The following BRD1 variants were observed in gnomAD, a reference collection of about 807,000 sequenced individuals.
BRD1 encodes bromodomain containing 1.
A neutral mutation model predicts 107.7 loss-of-function variants in BRD1; 24 were observed. That is an observed-to-expected ratio of 0.22 (90% CI 0.16 to 0.31). The LOEUF is 0.31. Among genes scored for constraint, BRD1 ranks in the 10% least tolerant of loss-of-function variants. The pLI, the probability that BRD1 is intolerant of heterozygous loss-of-function variation, is 1.00. For synonymous variants in BRD1, 744 were observed against 686.1 expected, an observed-to-expected ratio of 1.08 and a Z score of -1.32; for missense variants, 1,279 against 1,638.6, an observed-to-expected ratio of 0.78 and a Z score of 3.79.
intron 6 of BRD1, 57 bp from the exon 7 acceptor site, chr22:49,794,351 C>T (rs897894231): frequency 3.9e-6 from 6 of 1,548,460 alleles, no homozygotes; most frequent in Non-Finnish European, 4.4e-6. Context: ...TCTGGGAACA[C>T]ATCACCGGTC....
rs1029108144 is a variant in BRD1 at position 49,793,841 on chromosome 22, G to A, written c.2359+193C>T. On this transcript the variant is annotated intron_variant, in intron 7 of 12. Coordinates refer to ENST00000404760, the MANE Select transcript of BRD1 (RefSeq NM_001304808.3). ...AAACACAGACAGCACAAATGATAAC[G>A]TCTCCTTAAAAGGAAACAACAGCCC... Among the ~76,000 whole-genome samples the A allele has an allele frequency of 5.3e-5, 8 of 152,330 alleles. No individual in the cohort carries two copies. In the South Asian group the frequency reaches 6.2e-4, roughly 12 times the overall value.
chr22:49,822,980 G>C lies in BRD1; in HGVS notation c.1338C>G (p.Thr446=). 1 of 1,614,208 alleles carries C rather than the reference G, an allele frequency of 6.2e-7. No homozygotes were observed. The highest frequency in any genetic ancestry group is 8.5e-7 in the Non-Finnish European group (1 of 1,180,048). The change falls in exon 2 of 13, where the codon ACC becomes ACG. Residue 446 remains threonine, a synonymous_variant. Transcript: ENST00000404760. ...ALAEPCAVLP[T]VCAPYIPPQR... is the part of the protein sequence containing the mutation. ...GCGGGGGAATATAAGGAGCGCACAC[G>C]GTCGGCAGGACCGCGCAGGGCTCAG...
At position 49,777,603 on chromosome 22, in the gene BRD1, G is replaced by A. The variant is rs561082836; in HGVS notation, c.2993+75C>T. 397 of 1,547,914 alleles carry A rather than the reference G, an allele frequency of 2.6e-4. 2 individuals are homozygous for A. In the Middle Eastern group the frequency reaches 3.6e-3, roughly 14 times the overall value. On this transcript the variant is annotated intron_variant, in intron 9 of 12. Transcript: ENST00000404760. ...ACTAAGATGGGAGCTGGAATGTCCC[G>A]GCTTCCAGGACAGCCAGGCGGGGCG...
chr22:49,806,323 T>C (rs969527202), intron 2 of BRD1: 1 of 152,204 alleles, frequency 6.6e-6, no homozygotes, highest in Non-Finnish European at 1.5e-5. Context: ...CCACAAGTTG[T>C]GAGCAAAAAG....
At chr22:49,786,917 A>AC (rs138835) in intron 8 of BRD1, among the ~76,000 whole-genome samples, 6 of 151,822 alleles carry the variant, frequency 4.0e-5, no homozygotes, top group East Asian at 1.9e-4. Context: ...ACACAGCGAG[A>AC]CCCCCATCTC....
intron 9 of BRD1, among the ~76,000 whole-genome samples, 153 bp from the exon 10 acceptor site, chr22:49,777,314 G>A (rs1455841666): frequency 2.0e-5 from 3 of 152,262 alleles, no homozygotes; most frequent in Non-Finnish European, 2.9e-5. Context: ...CAGGTCTGGA[G>A]GGAGTGAACC....
chr22:49,818,240 C>T, intron 2 of BRD1: 4 of 1,223,842 alleles, frequency 3.3e-6, no homozygotes, highest in Non-Finnish European at 4.2e-6. Context: ...GGTTCTTGTC[C>T]GTGAGGCTGA....
At chr22:49,822,298 G>A (rs1234850411) in intron 2 of BRD1, among the ~76,000 whole-genome samples, 7 of 152,062 alleles carry the variant, frequency 4.6e-5, no homozygotes, top group South Asian at 2.1e-4. Context: ...GGGAGCACAC[G>A]CCTGTAGTCC....
intron 1 of BRD1, among the ~76,000 whole-genome samples, chr22:49,826,752 C>CG (rs1442518941): frequency 6.6e-6 from 1 of 152,238 alleles, no homozygotes; most frequent in Non-Finnish European, 1.5e-5. Context: ...AACCACCTGG[C>CG]GACAGACCCT....
intron 1 of BRD1, chr22:49,826,341 G>C: frequency 2.4e-6 from 2 of 849,142 alleles, no homozygotes; most frequent in Non-Finnish European, 2.8e-6. Flanking sequence ...ACATGCAACT[G>C]GGACCCGGGG....
At chr22:49,825,395 G>T (rs536542370) in intron 1 of BRD1, among the ~76,000 whole-genome samples, 15 of 152,254 alleles carry the variant, frequency 9.9e-5, no homozygotes, top group African/African-American at 3.1e-4. Context: ...TGCTTTTCCA[G>T]AGGTAGGCAA....
chr22:49,779,963 G>C (rs967746902), intron 8 of BRD1, among the ~76,000 whole-genome samples: 3 of 152,076 alleles, frequency 2.0e-5, no homozygotes, highest in Non-Finnish European at 4.4e-5. Flanking sequence ...CCCACAGCCC[G>C]GCCCCCAGCA....
intron 8 of BRD1, among the ~76,000 whole-genome samples, chr22:49,779,732 A>C (rs1305940808): frequency 3.3e-5 from 5 of 152,040 alleles, no homozygotes; most frequent in Non-Finnish European, 7.4e-5. Flanking sequence ...AGAGGGAATT[A>C]AAAGTCCCGT....
intron 9 of BRD1, 56 bp from the exon 10 acceptor site, chr22:49,777,217 TC>T: frequency 6.3e-7 from 1 of 1,598,742 alleles, no homozygotes; most frequent in Non-Finnish European, 8.5e-7. Context: ...TCAGCCTCAC[TC>T]GGGCTTCGTC....
At chr22:49,819,074 A>G (rs2060012300) in intron 2 of BRD1, among the ~76,000 whole-genome samples, 1 of 150,684 alleles carries the variant, frequency 6.6e-6, no homozygotes, top group African/African-American at 2.5e-5. Context: ...CCTGGACAAC[A>G]TGGTGAAACC....
Position 49,792,742 on chromosome 22 carries a change from G to C in BRD1, c.2359+1292C>G, listed in dbSNP as rs886577429. The stretch of plus-strand genomic sequence containing the variant: ...ACAGGCACAAAATGAGCAAAAGGAT[G>C]CATAAGAAATTCTCAGCTGTGTGCA... On this transcript the variant is annotated intron_variant, in intron 7 of 12. Transcript: ENST00000404760. The surrounding 1 kb of genome is among the most constrained non-coding windows in gnomAD (Gnocchi z 4.2). 1.3e-5 allele frequency among the ~76,000 whole-genome samples: 2 copies of C among 152,234 alleles called. No individual in the cohort carries two copies. Among genetic ancestry groups the C allele is most frequent in the African/African-American group, 4.8e-5 (2 of 41,464 alleles).
intron 9 of BRD1, 45 bp downstream of exon 9, chr22:49,777,633 G>GT: frequency 6.3e-7 from 1 of 1,584,580 alleles, no homozygotes; most frequent in Non-Finnish European, 8.6e-7. Context: ...GGGGCGGGCG[G>GT]TGCTGGGAGC....
chr22:49,779,328 G>A (rs1430318870), intron 8 of BRD1, among the ~76,000 whole-genome samples: 1 of 152,166 alleles, frequency 6.6e-6, no homozygotes, highest in Non-Finnish European at 1.5e-5. Context: ...GCCTCCACCC[G>A]CTTCATACAC....
At chr22:49,812,539 C>A (rs903712745) in intron 2 of BRD1, among the ~76,000 whole-genome samples, 1 of 152,094 alleles carries the variant, frequency 6.6e-6, no homozygotes, top group African/African-American at 2.4e-5. Flanking sequence ...CCACTGAACT[C>A]CAGCCTGGGC....
Sources: gnomAD v4.1 joint callset for allele counts (sites outside exome capture counted in the v4.1 genomes callset) on GRCh38, gnomAD v4.1.1 for gene constraint, Gnocchi (gnomAD v3.1) non-coding constraint, MANE v1.5 for transcripts, NCBI Gene and HGNC (gene_info 2026-07-23, HGNC 2026-07-21) for gene names.